Variants in SEPHS1 observed in about 807,000 individuals in gnomAD.
SEPHS1 encodes the protein selenophosphate synthetase 1.
Under a neutral mutation model 39.2 loss-of-function variants are expected in SEPHS1, and 7 were observed. That is an observed-to-expected ratio of 0.18 (90% CI 0.10 to 0.34). SEPHS1 has a LOEUF of 0.34. SEPHS1 is among the 10% of genes least tolerant of loss of function. The pLI, the probability that SEPHS1 is intolerant of heterozygous loss-of-function variation, is 1.00. For synonymous variants in SEPHS1, 190 were observed against 195.5 expected, an observed-to-expected ratio of 0.97 and a Z score of 0.23; for missense variants, 253 against 514.5, an observed-to-expected ratio of 0.49 and a Z score of 4.92.
At chr10:13,321,401 C>T (rs1006994723) in intron 8 of SEPHS1, among the ~76,000 whole-genome samples, 4 of 152,192 alleles carry the variant, frequency 2.6e-5, no homozygotes, top group East Asian at 1.9e-4. Context: ...GCACACGCCA[C>T]GACGCCCCGC....
In SEPHS1 at chr10:13,333,929, C is replaced by G. The variant is rs1379780114; in HGVS notation, c.448G>C (p.Asp150His). The G allele has an allele frequency of 1.2e-6, 2 of 1,613,924 alleles. No homozygotes were observed. The highest frequency in any genetic ancestry group is 1.3e-5 in the African/African-American group (1 of 74,922). Residue 150 changes from aspartate (D) to histidine (H), a missense_variant, in exon 5 of 9, where the codon GAC (aspartate) becomes CAC (histidine). Coordinates refer to ENST00000327347, the MANE Select transcript of SEPHS1 (RefSeq NM_012247.5). ...VMPLIIQGFK[D>H]AAEEAGTSVT... ...GATGTTCCTGCTTCCTCAGCTGCGT[C>G]TTTAAAACCTTGGATAATCAGAGGC...
intron 4 of SEPHS1, among the ~76,000 whole-genome samples, chr10:13,335,934 T>G (rs1190360726): frequency 6.8e-6 from 1 of 146,716 alleles, no homozygotes; most frequent in Non-Finnish European, 1.5e-5. Flanking sequence ...GGACTGAGAT[T>G]GCGCCACTAC....
intron 4 of SEPHS1, 130 bp downstream of exon 4, chr10:13,336,113 G>A: frequency 1.7e-6 from 1 of 581,568 alleles, no homozygotes; most frequent in East Asian, 2.8e-5. Context: ...AAAGTGGAGA[G>A]CCAGAAGGAG....
intron 7 of SEPHS1, among the ~76,000 whole-genome samples, chr10:13,324,125 C>G (rs1833192560): frequency 6.6e-6 from 1 of 152,226 alleles, no homozygotes; most frequent in Non-Finnish European, 1.5e-5. Context: ...CACCACTGAT[C>G]CTTTCTGCAT....
intron 5 of SEPHS1, among the ~76,000 whole-genome samples, chr10:13,331,275 A>C (rs1168998313): frequency 6.6e-6 from 1 of 152,236 alleles, no homozygotes; most frequent in Middle Eastern, 3.2e-3. Context: ...AGCTATTGTG[A>C]ATAGTGCTGC....
intron 3 of SEPHS1, among the ~76,000 whole-genome samples, chr10:13,337,600 C>G (rs1005411277): frequency 6.6e-6 from 1 of 152,198 alleles, no homozygotes; most frequent in Non-Finnish European, 1.5e-5. Flanking sequence ...TATCATCAAG[C>G]CAGTCCACAA....
At chr10:13,343,796 AGAGT>A (rs990681917) in intron 2 of SEPHS1, among the ~76,000 whole-genome samples, 1 of 152,196 alleles carries the variant, frequency 6.6e-6, no homozygotes, top group Admixed American at 6.5e-5. Context: ...CCTGGGTGAC[AGAGT>A]GAGAATCCAT....
chr10:13,323,193 CAT>C (rs1437182909), intron 7 of SEPHS1, 146 bp from the exon 8 acceptor site: 1 of 695,930 alleles, frequency 1.4e-6, no homozygotes, highest in Non-Finnish European at 2.4e-6. Flanking sequence ...CAACCAAAGA[CAT>C]AGTGAAATTC....
At chr10:13,337,897 G>A (rs956818691) in intron 3 of SEPHS1, among the ~76,000 whole-genome samples, 7 of 152,192 alleles carry the variant, frequency 4.6e-5, no homozygotes, top group African/African-American at 1.7e-4. Flanking sequence ...CACCCCCCAC[G>A]TGGCTGCCTC....
chr10:13,331,883 A>G (rs1317783929), intron 5 of SEPHS1, among the ~76,000 whole-genome samples: 1 of 152,252 alleles, frequency 6.6e-6, no homozygotes, highest in East Asian at 1.9e-4. Flanking sequence ...AATCCAAAAG[A>G]CAGACAGGAA....
At chr10:13,339,342 G>A (rs1214960507) in intron 2 of SEPHS1, among the ~76,000 whole-genome samples, 2 of 151,836 alleles carry the variant, frequency 1.3e-5, no homozygotes, top group Admixed American at 6.6e-5. Flanking sequence ...GAAATGAAAG[G>A]ACAAATCCCA....
At chr10:13,325,718 G>A (rs1564444322) in intron 7 of SEPHS1, among the ~76,000 whole-genome samples, 1 of 151,912 alleles carries the variant, frequency 6.6e-6, no homozygotes, top group African/African-American at 2.4e-5. Context: ...CCAACATGGT[G>A]AAACCCCGTC....
intron 2 of SEPHS1, 69 bp downstream of exon 2, chr10:13,344,689 A>G (rs1380579375): frequency 9.0e-7 from 1 of 1,112,002 alleles, no homozygotes; most frequent in Non-Finnish European, 1.2e-6. Flanking sequence ...GCAACATGGG[A>G]GGCGAGAAAT....
At chr10:13,335,728 C>G (rs1833607411) in intron 4 of SEPHS1, among the ~76,000 whole-genome samples, 1 of 151,504 alleles carries the variant, frequency 6.6e-6, no homozygotes, top group South Asian at 2.1e-4. Context: ...GCCTGCAATC[C>G]CAGCACTTTG....
At chr10:13,327,667 T>C (rs11814895) in intron 7 of SEPHS1, among the ~76,000 whole-genome samples, 6,141 of 152,220 alleles carry the variant, frequency 0.04, 390 homozygotes, top group African/African-American at 0.14. Context: ...GCACTATCTA[T>C]AAAAGCTGAG....
At chr10:13,337,115 C>T (rs551403552) in intron 3 of SEPHS1, among the ~76,000 whole-genome samples, 1 of 152,048 alleles carries the variant, frequency 6.6e-6, no homozygotes, top group East Asian at 1.9e-4. Flanking sequence ...CGTGCCACTG[C>T]ACTCTAGCCT....
chr10:13,341,702 A>T (rs1045815391), intron 2 of SEPHS1, among the ~76,000 whole-genome samples: 3 of 152,218 alleles, frequency 2.0e-5, no homozygotes, highest in African/African-American at 4.8e-5. Context: ...CATGCCTTTA[A>T]TCCCAGCACT....
intron 1 of SEPHS1, among the ~76,000 whole-genome samples, chr10:13,347,067 C>T (rs1323923419): frequency 6.6e-6 from 1 of 152,196 alleles, no homozygotes; most frequent in Non-Finnish European, 1.5e-5. Context: ...GATCCATTTG[C>T]ATTAATAAGG....
At chr10:13,343,308 T>C (rs999412478) in intron 2 of SEPHS1, among the ~76,000 whole-genome samples, 1 of 152,168 alleles carries the variant, frequency 6.6e-6, no homozygotes, top group Non-Finnish European at 1.5e-5. Context: ...TCACATGGTA[T>C]TTCTCCACAG....
Sources: allele counts gnomAD v4.1 joint callset (sites outside exome capture counted in the v4.1 genomes callset), GRCh38; gene constraint gnomAD v4.1.1; transcripts MANE v1.5; gene names NCBI Gene and HGNC (gene_info 2026-07-23, HGNC 2026-07-21).